The following DBNDD1 variants were observed in gnomAD, a reference collection of about 807,000 sequenced individuals.
DBNDD1 encodes dysbindin domain containing 1, also known as dysbindin domain-containing protein 1.
In DBNDD1, 14 loss-of-function variants were observed where a neutral mutation model predicts 17.0. The ratio of observed to expected loss-of-function variants is 0.82; its 90% confidence interval spans 0.54 to 1.29. DBNDD1 has a LOEUF of 1.29. Among genes scored for constraint, DBNDD1 ranks in the 50% most tolerant of loss-of-function variants. The probability of loss-of-function intolerance (pLI) is 0.00; values close to 1 mark genes in which losing one functional copy is unlikely to be tolerated. For missense variants in DBNDD1, 221 were observed against 216.2 expected (o/e 1.02, Z -0.14); for synonymous variants, 105 against 102.0 (o/e 1.03, Z -0.18).
In DBNDD1 at chr16:90,009,409, A is replaced by T; in HGVS notation, c.53T>A (p.Val18Glu). The T allele has an allele frequency of 1.9e-6, 3 of 1,612,326 alleles. No homozygotes were observed. The highest frequency in any genetic ancestry group is 2.5e-6 in the Non-Finnish European group (3 of 1,179,996). Residue 18 changes from valine to glutamate, a missense_variant, in exon 2 of 4, where the codon GTG (valine) becomes GAG (glutamate). Transcript: ENST00000002501. ...TGGGACGCCCAGCGCAGCCTGCGGC[A>T]CCTCAGCCTCCTTAACGATCTCTGC... ...GTGEIVKEAE[V>E]PQAALGVPAQ...
At chr16:90,010,177 A>T (rs1005993003) in intron 1 of DBNDD1, 1 of 783,106 alleles carries the variant, frequency 1.3e-6, no homozygotes, top group Non-Finnish European at 2.0e-6. Context: ...CCCTGAGTAG[A>T]TGGGATTACA....
intron 1 of DBNDD1, among the ~76,000 whole-genome samples, chr16:90,010,424 G>C (rs1219232631): frequency 6.9e-6 from 1 of 144,268 alleles, no homozygotes; most frequent in Non-Finnish European, 1.5e-5. Flanking sequence ...CTGGAGTGCA[G>C]TGGCGCGATC....
intron 1 of DBNDD1, among the ~76,000 whole-genome samples, chr16:90,016,228 C>T (rs2035639960): frequency 6.6e-6 from 1 of 152,170 alleles, no homozygotes; most frequent in Non-Finnish European, 1.5e-5. Context: ...ACCTAGCGCA[C>T]AGTAGGTGCG....
At chr16:90,006,628 A>C in intron 3 of DBNDD1, 136 bp from the exon 4 acceptor site, 2 of 1,154,714 alleles carry the variant, frequency 1.7e-6, no homozygotes, top group Non-Finnish European at 2.4e-6. Context: ...GCATGCACAC[A>C]TCTACCTCTA....
At chr16:90,009,885 C>G (rs1169547551) in intron 1 of DBNDD1, 4 of 1,498,856 alleles carry the variant, frequency 2.7e-6, no homozygotes, top group East Asian at 2.3e-5. Context: ...TGTGGACTGA[C>G]TTTTCCTTTT....
At chr16:90,013,707 G>T (rs893310963) in intron 1 of DBNDD1, among the ~76,000 whole-genome samples, 2 of 152,176 alleles carry the variant, frequency 1.3e-5, no homozygotes, top group Non-Finnish European at 1.5e-5. Flanking sequence ...CTAGACGAAG[G>T]CTCTGATTCA....
chr16:90,008,652 GCC>G, intron 3 of DBNDD1, 130 bp downstream of exon 3: 1 of 579,104 alleles, frequency 1.7e-6, no homozygotes, highest in Non-Finnish European at 2.8e-6. Context: ...GTCCCAAGGG[GCC>G]TCACCCCCCA....
At chr16:90,017,927 C>A (rs1261539901) in intron 1 of DBNDD1, among the ~76,000 whole-genome samples, 2 of 152,230 alleles carry the variant, frequency 1.3e-5, no homozygotes, top group African/African-American at 2.4e-5. Context: ...AAGCCCCCAG[C>A]CAGTGACTGA....
intron 3 of DBNDD1, chr16:90,006,926 TG>T (rs2035439378): frequency 6.0e-6 from 1 of 167,726 alleles, no homozygotes; most frequent in Non-Finnish European, 1.3e-5. Flanking sequence ...TGCCCCATCA[TG>T]GGCCTTGTGT....
intron 1 of DBNDD1, chr16:90,009,991 C>G: frequency 6.2e-7 from 1 of 1,614,198 alleles, no homozygotes; most frequent in South Asian, 1.1e-5. Flanking sequence ...TTCTGTGATC[C>G]CTTAGCCACC....
intron 1 of DBNDD1, among the ~76,000 whole-genome samples, chr16:90,015,536 C>A (rs545383124): frequency 6.6e-6 from 1 of 152,172 alleles, no homozygotes; most frequent in Non-Finnish European, 1.5e-5. Flanking sequence ...TAACACTTAA[C>A]GTTGTTCAAG....
chr16:90,013,721 A>G (rs975828279), intron 1 of DBNDD1, among the ~76,000 whole-genome samples: 2 of 152,134 alleles, frequency 1.3e-5, no homozygotes, highest in Non-Finnish European at 2.9e-5. Context: ...TGATTCATTC[A>G]TTCACCCAAC....
At chr16:90,018,482 G>T (rs573983477) in intron 1 of DBNDD1, among the ~76,000 whole-genome samples, 3 of 152,340 alleles carry the variant, frequency 2.0e-5, no homozygotes, top group African/African-American at 7.2e-5. Context: ...GCACCTGCTG[G>T]CTCCCTGGAA....
rs958779962 is a variant in DBNDD1, at chr16:90,006,455, G to A, written c.357C>T (p.Ser119=). 1 of 1,600,924 alleles carries A rather than the reference G, an allele frequency of 6.2e-7. No individual in the cohort carries two copies. Among genetic ancestry groups the A allele is most frequent in the South Asian group, 1.1e-5 (1 of 91,046 alleles). ...CAGCCCTTGTCCTCGTCCAGGAAGG[G>A]GAGCGCAGGTAGCCGGCCCGGGGCA... ...HPLPRAGYLR[S]PSWTRTRAEQ... is the part of the protein sequence containing the mutation. The change falls in exon 4 of 4, where the codon TCC becomes TCT. Residue 119 remains serine, a synonymous_variant. Coordinates refer to ENST00000002501, the MANE Select transcript of DBNDD1 (RefSeq NM_001042610.3).
chr16:90,009,344 C>T lies in DBNDD1; in HGVS notation c.118G>A (p.Glu40Lys). The part of the protein sequence containing the change: ...TGDNGHTPVE[E>K]EVGGIPVPAP... The stretch of plus-strand genomic sequence containing the variant: ...GGTACTGGGATGCCCCCGACCTCCT[C>T]CTCCACAGGCGTGTGGCCATTGTCC... Residue 40 changes from glutamate to lysine, a missense_variant, in exon 2 of 4, where the codon GAG (glutamate) becomes AAG (lysine). Transcript: ENST00000002501. The T allele has an allele frequency of 1.2e-6, 2 of 1,613,580 alleles. No homozygotes were observed. Among genetic ancestry groups the T allele is most frequent in the Non-Finnish European group, 1.7e-6 (2 of 1,180,026 alleles).
At chr16:90,010,021 G>A (rs764674572) in intron 1 of DBNDD1, 2 of 1,614,154 alleles carry the variant, frequency 1.2e-6, no homozygotes, top group Admixed American at 1.7e-5. Context: ...TCACAGTTGA[G>A]CAAATATTCT....
intron 3 of DBNDD1, chr16:90,007,515 G>C (rs1308556361): frequency 6.6e-6 from 1 of 152,324 alleles, no homozygotes; most frequent in Non-Finnish European, 1.5e-5. Flanking sequence ...GGCTTAGGAA[G>C]GAGACACGAC....
chr16:90,012,253 G>A (rs2035567206), intron 1 of DBNDD1, among the ~76,000 whole-genome samples: 1 of 152,196 alleles, frequency 6.6e-6, no homozygotes, highest in Admixed American at 6.5e-5. Flanking sequence ...AAGGTGCAGG[G>A]ATGTACGTCA....
intron 1 of DBNDD1, chr16:90,009,745 C>T (rs1268316582): frequency 2.4e-5 from 15 of 636,308 alleles, no homozygotes; most frequent in South Asian, 1.2e-4. Context: ...CACCAGGGCC[C>T]GCGTGGCTGC....
Sources: gnomAD v4.1 joint callset for allele counts (sites outside exome capture counted in the v4.1 genomes callset) on GRCh38, gnomAD v4.1.1 for gene constraint, MANE v1.5 for transcripts, NCBI Gene and HGNC (gene_info 2026-07-23, HGNC 2026-07-21) for gene names.